TRPM8: variants seen among roughly 807,000 people sequenced by gnomAD.
The protein encoded by TRPM8 is TRPM8 cationic channel.
Under a neutral mutation model 133.7 loss-of-function variants are expected in TRPM8, and 110 were observed. The observed-to-expected ratio is 0.82, with a 90% CI of 0.70 to 0.96. The LOEUF is 0.96. Among genes scored for constraint, TRPM8 ranks in the 40% least tolerant of loss-of-function variants. The pLI is 0.00. For synonymous variants in TRPM8, 535 were observed against 532.3 expected, an observed-to-expected ratio of 1.01 and a Z score of -0.07; for missense variants, 1,291 against 1,379.5, an observed-to-expected ratio of 0.94 and a Z score of 1.02.
intron 11 of TRPM8, among the ~76,000 whole-genome samples, chr2:233,956,053 G>A (rs995455291): frequency 1.3e-5 from 2 of 152,040 alleles, no homozygotes; most frequent in Non-Finnish European, 2.9e-5. Context: ...ACAAGCTTGG[G>A]GTTCCCACTG....
intron 11 of TRPM8, among the ~76,000 whole-genome samples, chr2:233,958,586 A>G (rs147982928): frequency 1.7e-3 from 260 of 152,320 alleles, no homozygotes; most frequent in African/African-American, 5.9e-3. Context: ...CAAGTGTGTG[A>G]CCAGTGGAAA....
intron 6 of TRPM8, among the ~76,000 whole-genome samples, chr2:233,943,629 C>A (rs966407018): frequency 6.6e-6 from 1 of 152,150 alleles, no homozygotes; most frequent in Non-Finnish European, 1.5e-5. Flanking sequence ...CACCCCCCGC[C>A]CCCTGCAAAT....
In TRPM8 at chr2:233,969,774, T is replaced by C. The variant is rs1407748410; in HGVS notation, c.2105T>C (p.Ile702Thr). ...NWKIILCLFI[I>T]PLVGCGFVSF... ...AAGATTATCCTGTGTCTGTTTATTA[T>C]ACCCTTGGTGGGCTGTGGCTTTGTA... The change falls in exon 16 of 26, where the codon ATA becomes ACA. Residue 702 changes from isoleucine to threonine, a missense_variant. Ile to Thr is a moderately conservative substitution (Grantham distance 89). This residue lies in a region of TRPM8 where 963 missense variants were observed against 968.9 expected (regional missense o/e 0.99). Transcript: ENST00000324695. 4.3e-6 allele frequency: 7 copies of C among 1,613,654 alleles called. No homozygotes were observed. The highest frequency in any genetic ancestry group is 5.1e-6 in the Non-Finnish European group (6 of 1,179,528).
intron 17 of TRPM8, 61 bp from the exon 18 acceptor site, chr2:233,980,127 T>C: frequency 8.8e-7 from 1 of 1,133,382 alleles, no homozygotes; most frequent in African/African-American, 1.6e-5. Context: ...CATTTAAAAA[T>C]CTGGAAATGG....
intron 1 of TRPM8, among the ~76,000 whole-genome samples, chr2:233,926,026 C>A (rs1161411053): frequency 1.3e-5 from 2 of 152,144 alleles, no homozygotes; most frequent in Non-Finnish European, 2.9e-5. Context: ...GACAGACTGA[C>A]CCCCAAGCCC....
At chr2:234,002,226 G>A (rs1170429103) in intron 22 of TRPM8, among the ~76,000 whole-genome samples, 1 of 152,030 alleles carries the variant, frequency 6.6e-6, no homozygotes, top group East Asian at 1.9e-4. Context: ...CGAGGAGTGG[G>A]CAGAGGGAGG....
chr2:233,955,656 C>T (rs1691276437), intron 11 of TRPM8, among the ~76,000 whole-genome samples: 1 of 152,062 alleles, frequency 6.6e-6, no homozygotes. Context: ...CTCCCTGCCC[C>T]CACCTGCCTA....
chr2:233,943,362 T>C (rs534525288), intron 6 of TRPM8, among the ~76,000 whole-genome samples: 108 of 152,132 alleles, frequency 7.1e-4, no homozygotes, highest in African/African-American at 2.5e-3. Context: ...ATGTGGCACA[T>C]ATACACCATG....
rs564695575 is a variant in TRPM8 at position 233,993,379 on chromosome 2, A to G, written c.2940-2947A>G. Reference sequence around the variant, plus strand: ...CAGAGCTCTTTAAAAGTAGGGAATGATACAAACACAAAGCCTTATTCATGG... The same window carrying G: ...CAGAGCTCTTTAAAAGTAGGGAATGGTACAAACACAAAGCCTTATTCATGG... On this transcript the variant is annotated intron_variant, in intron 21 of 25. Transcript: ENST00000324695. Among the ~76,000 whole-genome samples the G allele has an allele frequency of 5.9e-5, 9 of 152,344 alleles. No individual in the cohort carries two copies. The East Asian group carries it at 1.7e-3, about 29-fold the overall frequency.
intron 2 of TRPM8, among the ~76,000 whole-genome samples, chr2:233,927,623 C>A (rs555561937): frequency 6.6e-6 from 1 of 152,160 alleles, no homozygotes; most frequent in African/African-American, 2.4e-5. Context: ...CTTCCTTCAA[C>A]CCCAGTGACG....
intron 17 of TRPM8, among the ~76,000 whole-genome samples, chr2:233,971,347 G>A (rs1691711500): frequency 6.6e-6 from 1 of 152,170 alleles, no homozygotes; most frequent in Non-Finnish European, 1.5e-5. Flanking sequence ...TTTTTTTAGT[G>A]ACTTCTAGCC....
At chr2:233,944,195 C>T (rs1044257859) in intron 6 of TRPM8, among the ~76,000 whole-genome samples, 4 of 151,964 alleles carry the variant, frequency 2.6e-5, no homozygotes, top group Non-Finnish European at 5.9e-5. Context: ...TACTAGATGC[C>T]CAACAGGAGA....
intron 1 of TRPM8, among the ~76,000 whole-genome samples, chr2:233,923,864 G>A (rs1453607189): frequency 7.9e-5 from 12 of 152,188 alleles, no homozygotes; most frequent in Admixed American, 7.9e-4. Flanking sequence ...GAGTTTGCAT[G>A]TAAAGAGGCT....
intron 22 of TRPM8, among the ~76,000 whole-genome samples, chr2:233,997,395 A>AG (rs1310512224): frequency 6.6e-6 from 1 of 152,046 alleles, no homozygotes; most frequent in Non-Finnish European, 1.5e-5. Context: ...GCCGTCAGGG[A>AG]GGGTCGGCAG....
chr2:233,948,744 C>G (rs1691103542), intron 8 of TRPM8, among the ~76,000 whole-genome samples: 1 of 152,132 alleles, frequency 6.6e-6, no homozygotes, highest in South Asian at 2.1e-4. Flanking sequence ...AGAAAATACC[C>G]AGCCAGGGCC....
At chr2:233,994,426 G>A (rs569915634) in intron 21 of TRPM8, among the ~76,000 whole-genome samples, 3 of 152,282 alleles carry the variant, frequency 2.0e-5, no homozygotes, top group Admixed American at 1.3e-4. Flanking sequence ...TTGATGTGAG[G>A]ATCAGTCAAC....
chr2:234,000,803 C>T (rs373046265), intron 22 of TRPM8, among the ~76,000 whole-genome samples: 3 of 151,978 alleles, frequency 2.0e-5, no homozygotes, highest in East Asian at 3.9e-4. Context: ...CTCAGGATCC[C>T]GAGTAGCTGG....
In TRPM8 at chr2:233,921,677, CTT is replaced by C. The variant is rs11373529; in HGVS notation, c.-6+4261_-6+4262del. 4.7e-5 allele frequency among the ~76,000 whole-genome samples: 5 copies of C among 106,646 alleles called. No homozygotes were observed. The South Asian group carries it at 9.3e-4, about 20-fold the overall frequency. The allele number at this position is 106,646 out of a possible 152,430, so 70.0% of individuals were successfully genotyped here. A position where few individuals can be genotyped will look rare whatever the true frequency, so the allele number is the denominator to read the frequency against. ...TTCTTTTTTCTTTTTCTTTTCTTTTCTTTTTTTTTTTTTTTTTGAGATGGAGT... is the reference window on the plus strand; with the variant it reads ...TTCTTTTTTCTTTTTCTTTTCTTTTCTTTTTTTTTTTTTTTGAGATGGAGT... On this transcript the variant is annotated intron_variant, in intron 1 of 25. Transcript: ENST00000324695.
At chr2:233,977,973 A>G (rs1317552499) in intron 17 of TRPM8, among the ~76,000 whole-genome samples, 1 of 152,238 alleles carries the variant, frequency 6.6e-6, no homozygotes, top group African/African-American at 2.4e-5. Flanking sequence ...AATCTAGAGT[A>G]TAATCTTCCA....
Sources: allele counts gnomAD v4.1 joint callset (sites outside exome capture counted in the v4.1 genomes callset), GRCh38; gene constraint gnomAD v4.1.1; regional missense constraint gnomAD v4.1.1; transcripts MANE v1.5; gene names NCBI Gene and HGNC (gene_info 2026-07-23, HGNC 2026-07-21).